TTC23: variants seen among roughly 807,000 people sequenced by gnomAD.
TTC23 encodes the protein tetratricopeptide repeat domain 23.
A neutral mutation model predicts 55.1 loss-of-function variants in TTC23; 58 were observed. The observed-to-expected ratio is 1.05, with a 90% CI of 0.85 to 1.31. The LOEUF is 1.31. TTC23 is among the 50% of genes most tolerant of loss of function. TTC23 has a pLI of 0.00. For synonymous variants in TTC23, 203 were observed against 199.9 expected, an observed-to-expected ratio of 1.02 and a Z score of -0.13; for missense variants, 516 against 534.4, an observed-to-expected ratio of 0.97 and a Z score of 0.34.
chr15:99,174,406 G>A (rs1328582948), intron 10 of TTC23, among the ~76,000 whole-genome samples: 1 of 151,412 alleles, frequency 6.6e-6, no homozygotes, highest in Non-Finnish European at 1.5e-5. Context: ...CTGATATCTT[G>A]GAATACACCC....
chr15:99,172,476 CT>C (rs1165045003), intron 10 of TTC23, among the ~76,000 whole-genome samples: 1 of 152,190 alleles, frequency 6.6e-6, no homozygotes, highest in Non-Finnish European at 1.5e-5. Context: ...CCCACAGATT[CT>C]TTTGGTGGGC....
At chr15:99,154,331 G>T (rs2070249577) in intron 12 of TTC23, among the ~76,000 whole-genome samples, 1 of 152,192 alleles carries the variant, frequency 6.6e-6, no homozygotes, top group Admixed American at 6.5e-5. Context: ...GCTATGGTTT[G>T]AATGTGCCTC....
At chr15:99,227,930 A>C (rs1048479155) in intron 5 of TTC23, among the ~76,000 whole-genome samples, 1 of 152,056 alleles carries the variant, frequency 6.6e-6, no homozygotes, top group Non-Finnish European at 1.5e-5. Flanking sequence ...TTTTGCATCT[A>C]TGTCACTCGA....
intron 6 of TTC23, 42 bp from the exon 7 acceptor site, chr15:99,219,090 C>T (rs917930357): frequency 1.2e-6 from 2 of 1,606,656 alleles, no homozygotes; most frequent in African/African-American, 2.7e-5. Flanking sequence ...TCTATCATCT[C>T]AACTGGACAG....
At chr15:99,239,244 T>A (rs750347159) in intron 3 of TTC23, among the ~76,000 whole-genome samples, 4 of 152,122 alleles carry the variant, frequency 2.6e-5, no homozygotes, top group Non-Finnish European at 5.9e-5. Context: ...AGCAGCACTG[T>A]GGGAGGTCGA....
intron 9 of TTC23, among the ~76,000 whole-genome samples, chr15:99,187,464 AAAAACAAAAC>A (rs1263129317): frequency 2.1e-5 from 3 of 145,178 alleles, no homozygotes; most frequent in Non-Finnish European, 4.5e-5. Flanking sequence ...AAAAAAAAAA[AAAAACAAAAC>A]AAAAGAAACC....
chr15:99,156,849 C>T (rs2070655065), intron 11 of TTC23, among the ~76,000 whole-genome samples: 1 of 152,164 alleles, frequency 6.6e-6, no homozygotes, highest in South Asian at 2.1e-4. Context: ...AGAGAGAGGA[C>T]ACCTGGCAAA....
chr15:99,226,018 C>T (rs754113665), intron 5 of TTC23, among the ~76,000 whole-genome samples: 16 of 152,204 alleles, frequency 1.1e-4, no homozygotes, highest in Middle Eastern at 6.8e-3. Context: ...AAGCATAAGA[C>T]GAACTCAAAC....
At chr15:99,173,747 A>G (rs1288972200) in intron 10 of TTC23, among the ~76,000 whole-genome samples, 1 of 152,002 alleles carries the variant, frequency 6.6e-6, no homozygotes, top group African/African-American at 2.4e-5. Flanking sequence ...GTTTGCCACA[A>G]TCCTCACCAC....
intron 9 of TTC23, among the ~76,000 whole-genome samples, chr15:99,182,234 TCTCTCTCTCTCTCTCA>T (rs1444644303): frequency 9.6e-6 from 1 of 104,330 alleles, no homozygotes; most frequent in African/African-American, 4.0e-5. Context: ...TCTCTCTCTC[TCTCTCTCTCTCTCTCA>T]CACACACACA....
intron 5 of TTC23, among the ~76,000 whole-genome samples, chr15:99,227,657 T>C (rs2078571252): frequency 6.6e-6 from 1 of 152,180 alleles, no homozygotes; most frequent in South Asian, 2.1e-4. Context: ...TTCCTGCCCA[T>C]AATCCAGCTT....
intron 10 of TTC23, among the ~76,000 whole-genome samples, 177 bp downstream of exon 10, chr15:99,174,873 C>T (rs1480680286): frequency 2.6e-5 from 4 of 151,620 alleles, no homozygotes; most frequent in Non-Finnish European, 3.0e-5. Flanking sequence ...GGGAGAGAAA[C>T]CAAAGGACTC....
At position 99,183,377 on chromosome 15, in the gene TTC23, A is replaced by G. The variant is rs556695419; in HGVS notation, c.760-8222T>C. Among the ~76,000 whole-genome samples the G allele has an allele frequency of 4.2e-3, 634 of 149,896 alleles. 2 individuals carry two copies. Among genetic ancestry groups the G allele is most frequent in the Non-Finnish European group, 7.7e-3 (520 of 67,612 alleles). On this transcript the variant is annotated intron_variant, in intron 9 of 13. Transcript: ENST00000394132. ...CGCTCTGTCACCCAGGCTGGAGTGC[A>G]GTGGTGCGATCTCGACTCACTGCAA...
intron 10 of TTC23, among the ~76,000 whole-genome samples, chr15:99,164,174 G>A: frequency 6.6e-6 from 1 of 152,202 alleles, no homozygotes; most frequent in East Asian, 1.9e-4. Context: ...CACAGGGGTT[G>A]GCAAACTTAT....
chr15:99,238,192 C>T (rs2079484328), intron 3 of TTC23, among the ~76,000 whole-genome samples: 1 of 151,998 alleles, frequency 6.6e-6, no homozygotes, highest in African/African-American at 2.4e-5. Flanking sequence ...TGGTCTTGAA[C>T]TCCTGACCTC....
At chr15:99,218,839 G>T (rs2077677319) in intron 7 of TTC23, 59 bp downstream of exon 7, 2 of 1,595,052 alleles carry the variant, frequency 1.3e-6, no homozygotes, top group Non-Finnish European at 1.7e-6. Flanking sequence ...TTTTTACTTG[G>T]CGTGTAAGTG....
chr15:99,174,885 G>A (rs915017004), intron 10 of TTC23, among the ~76,000 whole-genome samples, 165 bp downstream of exon 10: 1 of 152,030 alleles, frequency 6.6e-6, no homozygotes, highest in African/African-American at 2.4e-5. Flanking sequence ...AAAGGACTCA[G>A]AGGAAAGCAG....
intron 4 of TTC23, among the ~76,000 whole-genome samples, chr15:99,229,082 A>G (rs2078721436): frequency 6.7e-6 from 1 of 148,478 alleles, no homozygotes; most frequent in African/African-American, 2.5e-5. Context: ...ATTTGTATGT[A>G]CATATATATA....
chr15:99,182,705 A>G (rs1338236623), intron 9 of TTC23, among the ~76,000 whole-genome samples: 1 of 152,106 alleles, frequency 6.6e-6, no homozygotes, highest in East Asian at 1.9e-4. Flanking sequence ...AAGTGTCAAC[A>G]CTGGCTATTT....
Sources: gnomAD v4.1 joint callset for allele counts (sites outside exome capture counted in the v4.1 genomes callset) on GRCh38, gnomAD v4.1.1 for gene constraint, MANE v1.5 for transcripts, NCBI Gene and HGNC (gene_info 2026-07-23, HGNC 2026-07-21) for gene names.